NPC1L1: variants seen among roughly 807,000 people sequenced by gnomAD.
NPC1L1 encodes NPC1-like intracellular cholesterol transporter 1.
NPC1L1 carries 98 observed loss-of-function variants against 117.0 expected under a neutral mutation model. The ratio of observed to expected loss-of-function variants is 0.84; its 90% CI spans 0.71 to 0.99. NPC1L1 has a LOEUF of 0.99. Among genes scored for constraint, NPC1L1 ranks in the 50% least tolerant of loss-of-function variants. The pLI is 0.00. For synonymous variants in NPC1L1, 729 were observed against 727.6 expected, an observed-to-expected ratio of 1.00 and a Z score of -0.03; for missense variants, 1,540 against 1,710.0, an observed-to-expected ratio of 0.90 and a Z score of 1.75.
chr7:44,516,739 G>A lies in NPC1L1; in HGVS notation c.3483C>T (p.Ile1161=). ...DTVGFMALWG[I]SYNAVSLINL... The stretch of plus-strand genomic sequence containing the variant: ...TGATGAGGGACACAGCATTGTAACT[G>A]ATGCCCCACAGGGCCATGAAGCCGA... Residue 1161 remains isoleucine (I), a synonymous_variant, in exon 16 of 19, where the codon ATC becomes ATT. Coordinates refer to ENST00000381160, the MANE Select transcript of NPC1L1 (RefSeq NM_001101648.2). 6.2e-7 allele frequency: 1 copy of A among 1,612,894 alleles called. No homozygotes were observed. The highest frequency in any genetic ancestry group is 8.5e-7 in the Non-Finnish European group (1 of 1,179,492).
In NPC1L1 at chr7:44,513,633, C is replaced by T. The variant is rs199716480; in HGVS notation, c.3813G>A (p.Pro1271=). ...CCCGCTTCTGCTCCAGTGCCAGAGC[C>T]GGGTTAACGTCAGGCCCTGCGGAGA... The part of the protein sequence containing the change: ...ILSYVGPDVN[P]ALALEQKRAE... Residue 1271 remains proline, a synonymous_variant, in exon 19 of 19, where the codon CCG becomes CCA. Coordinates refer to ENST00000381160, the MANE Select transcript of NPC1L1 (RefSeq NM_001101648.2). The T allele has an allele frequency of 2.6e-5, 42 of 1,612,980 alleles. No homozygotes were observed. The highest frequency in any genetic ancestry group is 6.7e-5 in the East Asian group (3 of 44,896).
chr7:44,536,533 C>T lies in NPC1L1; in HGVS notation c.1682-105G>A. 2.4e-6 allele frequency: 3 copies of T among 1,269,826 alleles called. No homozygotes were observed. Among genetic ancestry groups the T allele is most frequent in the South Asian group, 2.4e-5 (2 of 82,514 alleles). 78.7% of individuals were successfully genotyped at this position (1,269,826 alleles called of 1,614,324 possible). A position where few individuals can be genotyped will look rare whatever the true frequency, so the allele number is the denominator to read the frequency against. On this transcript the variant is annotated intron_variant, in intron 3 of 18. Coordinates refer to ENST00000381160, the MANE Select transcript of NPC1L1 (RefSeq NM_001101648.2). This position sits in a 1 kb window ranked among gnomAD's most constrained non-coding sequence, Gnocchi z 4.7. ...CCCTATCTAGCTGCACCCCTCCCAT[C>T]ACCCCTTGCTCCTTCTCCCCCACTC...
rs114203254 is a variant in NPC1L1, at chr7:44,531,016, C to T, written c.2637+739G>A. 5.5e-3 allele frequency among the ~76,000 whole-genome samples: 844 copies of T among 152,332 alleles called. 8 individuals are homozygous for T. The highest frequency in any genetic ancestry group is 0.019 in the African/African-American group (787 of 41,576). ...AGTTCCCCAGATGGGACCTAGACATCGAGTCCCCTCGATGCCTTCCCTCTC... is the reference window on the plus strand; with the variant it reads ...AGTTCCCCAGATGGGACCTAGACATTGAGTCCCCTCGATGCCTTCCCTCTC... On this transcript the variant is annotated intron_variant, in intron 10 of 18. Coordinates refer to ENST00000381160, the MANE Select transcript of NPC1L1 (RefSeq NM_001101648.2).
intron 1 of NPC1L1, among the ~76,000 whole-genome samples, 154 bp from the exon 2 acceptor site, chr7:44,540,496 G>A (rs571884940): frequency 6.6e-6 from 1 of 152,184 alleles, no homozygotes; most frequent in South Asian, 2.1e-4. Context: ...GGAGGCATGT[G>A]CCAGCCAGCC....
chr7:44,525,404 C>T (rs557794191), intron 10 of NPC1L1, among the ~76,000 whole-genome samples: 36 of 152,204 alleles, frequency 2.4e-4, no homozygotes, highest in Admixed American at 1.8e-3. Context: ...ACTACAAGTG[C>T]GCACAACCAT....
rs752157725 is a variant in NPC1L1, at chr7:44,539,432, C to T, written c.965G>A (p.Gly322Asp). Reference protein sequence around the residue: ...DKSKMVDPKKGTSLSDKLSFS... With the variant: ...DKSKMVDPKKDTSLSDKLSFS... ...GCTGAGCTTGTCAGAGAGGCTGGTG[C>T]CCTTCTTGGGGTCCACCATCTTGCT... Residue 322 changes from glycine (G) to aspartate (D), a missense_variant, in exon 2 of 19, where the codon GGC (glycine) becomes GAC (aspartate). Transcript: ENST00000381160. The surrounding 1 kb of genome is among the most constrained non-coding windows in gnomAD (Gnocchi z 4.4). 1.9e-6 allele frequency: 3 copies of T among 1,613,528 alleles called. No individual in the cohort carries two copies. The highest frequency in any genetic ancestry group is 8.5e-7 in the Non-Finnish European group (1 of 1,179,940).
At chr7:44,530,571 A>G (rs1428524389) in intron 10 of NPC1L1, among the ~76,000 whole-genome samples, 1 of 151,932 alleles carries the variant, frequency 6.6e-6, no homozygotes, top group Non-Finnish European at 1.5e-5. Flanking sequence ...TAAAAAACGG[A>G]AAAAAAATGA....
chr7:44,532,019 C>A, intron 9 of NPC1L1, 61 bp downstream of exon 9: 2 of 1,613,082 alleles, frequency 1.2e-6, no homozygotes, highest in Non-Finnish European at 8.5e-7. Context: ...CAACCCTGCT[C>A]TCCCTGAGGC....
In NPC1L1 at chr7:44,536,334, C is replaced by T. The variant is rs774017720; in HGVS notation, c.1776G>A (p.Trp592Ter). The change falls in exon 4 of 19, where the codon TGG becomes TGA. Residue 592 changes from tryptophan (W) to a stop codon, truncating the protein, a stop_gained. Transcript: ENST00000381160. LOFTEE classifies it high-confidence loss of function. The surrounding 1 kb of genome is among the most constrained non-coding windows in gnomAD (Gnocchi z 4.7). ...GCATTTCCTCTAAGAAGGCCTCCTC[C>T]CACAGCTTGGCCTGGGCCAGACGGG... ...GDPRLAQAKL[W>*]EEAFLEEMRA... 5.6e-6 allele frequency: 9 copies of T among 1,614,118 alleles called. No homozygotes were observed. The highest frequency in any genetic ancestry group is 6.8e-6 in the Non-Finnish European group (8 of 1,180,040).
Position 44,534,646 on chromosome 7 carries a change from C to T in NPC1L1, c.1984-17G>A, listed in dbSNP as rs1421947478. The T allele has an allele frequency of 1.4e-5, 23 of 1,613,384 alleles. No homozygotes were observed. The highest frequency in any genetic ancestry group is 1.9e-5 in the Non-Finnish European group (23 of 1,179,836). On this transcript the variant is annotated splice_polypyrimidine_tract_variant and intron_variant, in intron 5 of 18. Coordinates refer to ENST00000381160, the MANE Select transcript of NPC1L1 (RefSeq NM_001101648.2). The surrounding 1 kb of genome is among the most constrained non-coding windows in gnomAD (Gnocchi z 5.2). The stretch of plus-strand genomic sequence containing the variant: ...GGAGTCCACCTGCAATGCAAACAGG[C>T]TCAGCCCCCTAGCCACTTAGCACCT...
In NPC1L1 at chr7:44,536,059, TG is replaced by T. The variant is rs941333082; in HGVS notation, c.1855-92del. On this transcript the variant is annotated intron_variant, in intron 4 of 18. Coordinates refer to ENST00000381160, the MANE Select transcript of NPC1L1 (RefSeq NM_001101648.2). This position sits in a 1 kb window ranked among gnomAD's most constrained non-coding sequence, Gnocchi z 4.7. ...GCTCGGTCACTGGGCACTAATTGTG[TG>T]TTGTGTCATAGGGCCTGATGGCCCC... is the stretch of plus-strand genomic sequence containing the variant. The T allele has an allele frequency of 1.3e-4, 203 of 1,600,658 alleles. No homozygotes were observed. Among genetic ancestry groups the T allele is most frequent in the Non-Finnish European group, 1.7e-4 (194 of 1,171,210 alleles).
intron 10 of NPC1L1, among the ~76,000 whole-genome samples, chr7:44,525,563 A>G (rs114833536): frequency 0.015 from 2,276 of 152,190 alleles, 53 homozygotes; most frequent in African/African-American, 0.052. Flanking sequence ...GCTGGATATT[A>G]TAATTTAGCT....
chr7:44,540,006 G>A lies in NPC1L1; in HGVS notation c.391C>T (p.Pro131Ser), dbSNP rs1438097733. The A allele has an allele frequency of 6.2e-7, 1 of 1,614,126 alleles. No individual in the cohort carries two copies. The highest frequency in any genetic ancestry group is 1.3e-5 in the African/African-American group (1 of 74,942). Residue 131 changes from proline (P) to serine (S), a missense_variant, in exon 2 of 19, where the codon CCC becomes TCC. By Grantham distance (74) the Pro-to-Ser change is moderately conservative. This residue lies in a region of NPC1L1 where 793 missense variants were observed against 820.4 expected (regional missense o/e 0.97). Coordinates refer to ENST00000381160, the MANE Select transcript of NPC1L1 (RefSeq NM_001101648.2). Reference sequence around the variant, plus strand: ...ACATTGATGAAGAGGCTCTGATTGGGGCTGCACGTGTTGTGGCAGTGCAGG... The same window carrying A: ...ACATTGATGAAGAGGCTCTGATTGGAGCTGCACGTGTTGTGGCAGTGCAGG... ...VNLHCHNTCS[P>S]NQSLFINVTR...
Position 44,536,703 on chromosome 7 carries a change from A to T in NPC1L1, c.1681+139T>A, listed in dbSNP as rs1488656675. ...AGATGGCAGAGAGAGGAAACAGGAC[A>T]GGGTTGGCCTACAGCTTCCAGAAGC... On this transcript the variant is annotated intron_variant, in intron 3 of 18. Transcript: ENST00000381160. This position sits in a 1 kb window ranked among gnomAD's most constrained non-coding sequence, Gnocchi z 4.7. 1.3e-6 allele frequency: 1 copy of T among 784,982 alleles called. No homozygotes were observed. The highest frequency in any genetic ancestry group is 1.7e-5 in the African/African-American group (1 of 58,608). The allele number at this position is 784,982 out of a possible 1,614,324, so 48.6% of individuals were successfully genotyped here.
chr7:44,518,078 G>A (rs922310806), intron 14 of NPC1L1, among the ~76,000 whole-genome samples: 4 of 150,920 alleles, frequency 2.7e-5, no homozygotes, highest in Non-Finnish European at 5.9e-5. Context: ...TCATGCTACT[G>A]CACTCCAGCT....
At position 44,541,175 on chromosome 7, in the gene NPC1L1, AG is replaced by A. The variant is rs1461891330; in HGVS notation, c.54+30del. 1.9e-6 allele frequency: 3 copies of A among 1,548,428 alleles called. No homozygotes were observed. In the African/African-American group the frequency reaches 4.1e-5, roughly 21 times the overall value. On this transcript the variant is annotated intron_variant, in intron 1 of 18. Coordinates refer to ENST00000381160, the MANE Select transcript of NPC1L1 (RefSeq NM_001101648.2). ...CCCAGGGTCCCTAACTGGAGGCCGC[AG>A]GGGAGGTGGAGCCAAGCCCTGGGAC...
At position 44,537,723 on chromosome 7, in the gene NPC1L1, C is replaced by T. The variant is rs116923852; in HGVS notation, c.1581-781G>A. On this transcript the variant is annotated intron_variant, in intron 2 of 18. Coordinates refer to ENST00000381160, the MANE Select transcript of NPC1L1 (RefSeq NM_001101648.2). ...GTAAAATGGAGATAATTGGACCACCCGAGAGTTGTTGTGAGCATCCGAAGT... is the reference window on the plus strand; with the variant it reads ...GTAAAATGGAGATAATTGGACCACCTGAGAGTTGTTGTGAGCATCCGAAGT... 6.9e-3 allele frequency among the ~76,000 whole-genome samples: 1,058 copies of T among 152,244 alleles called. 14 individuals are homozygous for T. The highest frequency in any genetic ancestry group is 0.01 in the Middle Eastern group (3 of 294).
chr7:44,521,884 G>C, intron 11 of NPC1L1, 48 bp from the exon 12 acceptor site: 2 of 1,612,714 alleles, frequency 1.2e-6, no homozygotes, highest in South Asian at 1.1e-5. Flanking sequence ...TGGGCAGGGT[G>C]GTGGGTCCTT....
In NPC1L1 at chr7:44,513,350, G is replaced by T; in HGVS notation, c.*97C>A. ...GTCTCATGGGAATGGCCTCCCCTAG[G>T]ATTTGAGGAGGGCGTGTGTCAAGGG... is the stretch of plus-strand genomic sequence containing the variant. On this transcript the variant is annotated 3_prime_UTR_variant, in exon 19 of 19. Transcript: ENST00000381160. The T allele has an allele frequency of 1.7e-6, 2 of 1,197,010 alleles. No homozygotes were observed. Among genetic ancestry groups the T allele is most frequent in the South Asian group, 1.2e-5 (1 of 81,248 alleles). 74.1% of individuals were successfully genotyped at this position (1,197,010 alleles called of 1,614,324 possible).
Sources: allele counts gnomAD v4.1 joint callset (sites outside exome capture counted in the v4.1 genomes callset), GRCh38; gene constraint gnomAD v4.1.1; regional missense constraint gnomAD v4.1.1; non-coding constraint Gnocchi (gnomAD v3.1); transcripts MANE v1.5; gene names NCBI Gene and HGNC (gene_info 2026-07-23, HGNC 2026-07-21).